ZNF473: variants seen among roughly 807,000 people sequenced by gnomAD.
ZNF473 encodes zinc finger protein 473, also known as zinc finger protein 100 homolog.
A neutral mutation model predicts 11.1 loss-of-function variants in ZNF473; 4 were observed. The ratio of observed to expected loss-of-function variants is 0.36; its 90% CI spans 0.18 to 0.82. ZNF473 has a LOEUF of 0.82. Among genes scored for constraint, ZNF473 ranks in the 40% least tolerant of loss-of-function variants. The pLI, the probability that ZNF473 is intolerant of heterozygous loss-of-function variation, is 0.49. For synonymous variants in ZNF473, 404 were observed against 390.4 expected (o/e 1.03, Z -0.41); for missense variants, 854 against 1,084.0 (o/e 0.79, Z 2.98).
At chr19:50,031,817 A>G (rs1463163016) in intron 2 of ZNF473, among the ~76,000 whole-genome samples, 6 of 152,272 alleles carry the variant, frequency 3.9e-5, no homozygotes, top group African/African-American at 1.4e-4. Context: ...TCAATGAATG[A>G]TGCATGAAAC....
rs1356985165 is a variant in ZNF473 at position 50,026,060 on chromosome 19, T to G, written c.-254T>G. 1.3e-5 allele frequency: 2 copies of G among 152,618 alleles called. No individual in the cohort carries two copies. Among genetic ancestry groups the G allele is most frequent in the African/African-American group, 2.4e-5 (1 of 41,440 alleles). The allele number at this position is 152,618 out of a possible 1,614,324, so 9.5% of individuals were successfully genotyped here. On this transcript the variant is annotated 5_prime_UTR_variant, in exon 1 of 5. Transcript: ENST00000270617. ...GCGAGGAGGCGCGTGTGCGGGGAGT[T>G]GAATCTCCCGCTCCCTTGAGGCTGG...
At chr19:50,038,386 C>G (rs978225436) in intron 2 of ZNF473, among the ~76,000 whole-genome samples, 2 of 151,920 alleles carry the variant, frequency 1.3e-5, no homozygotes, top group African/African-American at 2.4e-5. Context: ...CTAAAGCGGA[C>G]CTGGTACCAC....
chr19:50,026,999 GT>G (rs1270657091), intron 1 of ZNF473, among the ~76,000 whole-genome samples: 1 of 152,152 alleles, frequency 6.6e-6, no homozygotes, highest in African/African-American at 2.4e-5. Context: ...CAGTATTTGA[GT>G]GCTTTCTGTG....
chr19:50,029,943 C>T (rs544387421), intron 1 of ZNF473, among the ~76,000 whole-genome samples: 2 of 152,022 alleles, frequency 1.3e-5, no homozygotes, highest in Non-Finnish European at 2.9e-5. Context: ...CCTCTGCCTC[C>T]CGGGTTCAAG....
chr19:50,043,034 A>G (rs1205012839), intron 4 of ZNF473, among the ~76,000 whole-genome samples: 2 of 152,144 alleles, frequency 1.3e-5, no homozygotes, highest in Non-Finnish European at 2.9e-5. Flanking sequence ...CAGGCTGGAA[A>G]AGGTATGATG....
intron 3 of ZNF473, chr19:50,040,980 G>A (rs916153891): frequency 1.2e-4 from 19 of 152,314 alleles, no homozygotes; most frequent in Admixed American, 1.1e-3. Context: ...TAGTGTATCC[G>A]TTTCCTATTG....
intron 2 of ZNF473, among the ~76,000 whole-genome samples, chr19:50,036,615 C>T (rs775944965): frequency 5.3e-5 from 8 of 151,816 alleles, no homozygotes; most frequent in African/African-American, 1.7e-4. Context: ...TGAGCCACTG[C>T]GCCCGGCCAA....
chr19:50,034,764 C>G (rs890901256), intron 2 of ZNF473, among the ~76,000 whole-genome samples: 13 of 152,174 alleles, frequency 8.5e-5, no homozygotes, highest in African/African-American at 3.1e-4. Context: ...TAGAATTCCT[C>G]AGTCTGTTTT....
At position 50,048,203 on chromosome 19, in the gene ZNF473, T is replaced by A. The variant is rs1279720813; in HGVS notation, c.*1144T>A. The A allele has an allele frequency of 6.6e-6, 1 of 152,234 alleles. No homozygotes were observed. Among genetic ancestry groups the A allele is most frequent in the East Asian group, 1.9e-4 (1 of 5,200 alleles). The allele number at this position is 152,234 out of a possible 1,614,324, so 9.4% of individuals were successfully genotyped here. A position where few individuals can be genotyped will look rare whatever the true frequency, so the allele number is the denominator to read the frequency against. Reference sequence around the variant, plus strand: ...GAAGTTCTGGGATCACCAAGGATTGTTGGAGAGTCCAGTGAGATGGAACCA... The same window carrying A: ...GAAGTTCTGGGATCACCAAGGATTGATGGAGAGTCCAGTGAGATGGAACCA... On this transcript the variant is annotated 3_prime_UTR_variant, in exon 5 of 5. Transcript: ENST00000270617.
Position 50,044,955 on chromosome 19 carries a change from A to G in ZNF473, c.512A>G (p.His171Arg). The G allele has an allele frequency of 2.5e-6, 4 of 1,614,198 alleles. No individual in the cohort carries two copies. Among genetic ancestry groups the G allele is most frequent in the Middle Eastern group, 1.6e-4 (1 of 6,062 alleles). The change falls in exon 5 of 5, where the codon CAT (histidine) becomes CGT (arginine). Residue 171 changes from histidine to arginine, a missense_variant. Around this residue, in one of 2 missense-constraint regions of ZNF473, gnomAD observed 668 missense variants for 790.2 expected, o/e 0.85. Coordinates refer to ENST00000270617, the MANE Select transcript of ZNF473 (RefSeq NM_015428.4). The part of the protein sequence containing the change: ...TVSTGEDSMV[H>R]NVSEKTLTPA... Reference sequence around the variant, plus strand: ...TCCACGGGAGAAGATTCCATGGTGCATAATGTTTCTGAAAAGACCCTCACA... The same window carrying G: ...TCCACGGGAGAAGATTCCATGGTGCGTAATGTTTCTGAAAAGACCCTCACA...
intron 4 of ZNF473, among the ~76,000 whole-genome samples, chr19:50,044,314 G>C (rs1223880227): frequency 1.3e-5 from 2 of 152,216 alleles, no homozygotes; most frequent in African/African-American, 4.8e-5. Context: ...GGAGAGCGGG[G>C]TGTTGTCTGG....
At chr19:50,028,805 C>T (rs1278888105) in intron 1 of ZNF473, among the ~76,000 whole-genome samples, 1 of 152,182 alleles carries the variant, frequency 6.6e-6, no homozygotes, top group African/African-American at 2.4e-5. Flanking sequence ...TGTCTGCCAA[C>T]AAACATTATG....
At position 50,045,802 on chromosome 19, in the gene ZNF473, T is replaced by C; in HGVS notation, c.1359T>C (p.His453=). Residue 453 remains histidine (H), a synonymous_variant, in exon 5 of 5, where the codon CAT becomes CAC. Coordinates refer to ENST00000270617, the MANE Select transcript of ZNF473 (RefSeq NM_015428.4). The stretch of plus-strand genomic sequence containing the variant: ...ACCTTAATGAACATCGGCGAATTCA[T>C]ACAGGCTACAGACCCCACAAATGTC... The part of the protein sequence containing the change: ...HTHLNEHRRI[H]TGYRPHKCQE... 6.2e-7 allele frequency: 1 copy of C among 1,614,112 alleles called. No individual in the cohort carries two copies. The highest frequency in any genetic ancestry group is 8.5e-7 in the Non-Finnish European group (1 of 1,180,006).
Position 50,039,346 on chromosome 19 carries a change from T to A in ZNF473, c.136+59T>A. 1 of 1,602,092 alleles carries A rather than the reference T, an allele frequency of 6.2e-7. No individual in the cohort carries two copies. The highest frequency in any genetic ancestry group is 1.1e-5 in the South Asian group (1 of 89,776). On this transcript the variant is annotated intron_variant, in intron 3 of 4. Coordinates refer to ENST00000270617, the MANE Select transcript of ZNF473 (RefSeq NM_015428.4). This position sits in a 1 kb window ranked among gnomAD's most constrained non-coding sequence, Gnocchi z 4.8. ...TGCCCTGCTTGGTGATCACCCATGC[T>A]CTCTACCACCCACAGGGTGAAGTCC... is the stretch of plus-strand genomic sequence containing the variant.
chr19:50,033,859 A>G (rs1195477625), intron 2 of ZNF473, among the ~76,000 whole-genome samples: 3 of 152,106 alleles, frequency 2.0e-5, no homozygotes, highest in African/African-American at 7.2e-5. Context: ...CCCTCTTATT[A>G]GGATCCTTGT....
chr19:50,046,214 T>G lies in ZNF473; in HGVS notation c.1771T>G (p.Phe591Val), dbSNP rs770949475. 1.9e-6 allele frequency: 3 copies of G among 1,614,162 alleles called. No homozygotes were observed. The South Asian group carries it at 3.3e-5, about 18-fold the overall frequency. The change falls in exon 5 of 5, where the codon TTT becomes GTT. Residue 591 changes from phenylalanine (F) to valine (V), a missense_variant. Physicochemically the swap from Phe to Val is conservative, Grantham distance 50. Around this residue, in one of 2 missense-constraint regions of ZNF473, gnomAD observed 668 missense variants for 790.2 expected, o/e 0.85. Transcript: ENST00000270617. This position sits in a 1 kb window ranked among gnomAD's most constrained non-coding sequence, Gnocchi z 5.9. ...GATTCACACCAGGGGAGTGAAGCCC[T>G]TTGAATGTGACCAGTGTGGGAAAGC... ...ERIHTRGVKP[F>V]ECDQCGKAFG...
In ZNF473 at chr19:50,039,066, C is replaced by T. The variant is rs1978625699; in HGVS notation, c.10-95C>T. ...GAGGATGGGATGGTTTTTGCCAAAG[C>T]CCTGGCAGATTGAGGGCTGGGAGTG... is the stretch of plus-strand genomic sequence containing the variant. On this transcript the variant is annotated intron_variant, in intron 2 of 4. Transcript: ENST00000270617. This position sits in a 1 kb window ranked among gnomAD's most constrained non-coding sequence, Gnocchi z 4.8. The T allele has an allele frequency of 6.6e-7, 1 of 1,524,050 alleles. No individual in the cohort carries two copies. The highest frequency in any genetic ancestry group is 9.0e-7 in the Non-Finnish European group (1 of 1,115,788). 94.4% of individuals were successfully genotyped at this position (1,524,050 alleles called of 1,614,324 possible).
intron 4 of ZNF473, among the ~76,000 whole-genome samples, chr19:50,043,614 A>C (rs1300735235): frequency 4.0e-5 from 6 of 151,898 alleles, no homozygotes; most frequent in Admixed American, 6.6e-5. Flanking sequence ...CATGAATGGG[A>C]ATTACTCTGT....
At chr19:50,041,565 C>T (rs2122840552) in intron 3 of ZNF473, 165 bp from the exon 4 acceptor site, 2 of 495,734 alleles carry the variant, frequency 4.0e-6, no homozygotes, top group South Asian at 3.1e-5. Flanking sequence ...GGGAACCCTA[C>T]AGGACAGGCA....
Sources: gnomAD v4.1 joint callset for allele counts (sites outside exome capture counted in the v4.1 genomes callset) on GRCh38, gnomAD v4.1.1 for gene constraint, gnomAD v4.1.1 regional missense constraint, Gnocchi (gnomAD v3.1) non-coding constraint, MANE v1.5 for transcripts, NCBI Gene and HGNC (gene_info 2026-07-23, HGNC 2026-07-21) for gene names.